Variants in CNTNAP2 observed in about 807,000 individuals in gnomAD.
CNTNAP2 encodes the protein contactin associated protein 2.
CNTNAP2 carries 98 observed loss-of-function variants against 155.2 expected under a neutral mutation model. That is an observed-to-expected ratio of 0.63 (90% CI 0.54 to 0.75). The LOEUF (loss-of-function observed/expected upper bound fraction) is 0.75. Among genes scored for constraint, CNTNAP2 ranks in the 30% least tolerant of loss-of-function variants. The probability of loss-of-function intolerance (pLI) is 0.00; values close to 1 mark genes in which losing one functional copy is unlikely to be tolerated. For synonymous variants in CNTNAP2, 651 were observed against 631.2 expected (o/e 1.03, Z -0.47); for missense variants, 1,727 against 1,688.1 (o/e 1.02, Z -0.40).
intron 15 of CNTNAP2, among the ~76,000 whole-genome samples, chr7:148,011,529 A>G (rs1802080597): frequency 6.6e-6 from 1 of 152,102 alleles, no homozygotes. Flanking sequence ...ACTTTTTCAC[A>G]GTGGCTTATT....
At chr7:147,120,636 TTTA>T (rs1467705992) in intron 5 of CNTNAP2, among the ~76,000 whole-genome samples, 1 of 151,958 alleles carries the variant, frequency 6.6e-6, no homozygotes, top group Admixed American at 6.6e-5. Flanking sequence ...TTTTTTTTCA[TTTA>T]TTATTATTAT....
intron 11 of CNTNAP2, among the ~76,000 whole-genome samples, chr7:147,498,621 GT>G (rs1484684084): frequency 6.6e-6 from 1 of 152,180 alleles, no homozygotes; most frequent in East Asian, 1.9e-4. Context: ...CAAGAAAAAT[GT>G]TTATTAATAA....
intron 8 of CNTNAP2, among the ~76,000 whole-genome samples, chr7:147,183,386 A>C (rs1802505686): frequency 6.6e-6 from 1 of 152,200 alleles, no homozygotes; most frequent in Admixed American, 6.5e-5. Context: ...AGCCTAATTA[A>C]GATTTATAAT....
chr7:147,131,086 AT>A (rs1801345298), intron 7 of CNTNAP2, among the ~76,000 whole-genome samples: 1 of 134,968 alleles, frequency 7.4e-6, no homozygotes, highest in African/African-American at 2.6e-5. Context: ...ATATGTATAT[AT>A]GTGTATATAT....
chr7:148,023,194 A>G (rs1802315877), intron 15 of CNTNAP2, among the ~76,000 whole-genome samples: 1 of 152,176 alleles, frequency 6.6e-6, no homozygotes, highest in African/African-American at 2.4e-5. Flanking sequence ...CAAAAGCAAA[A>G]AGGGGAGACA....
chr7:147,079,112 AC>A (rs1800059704), intron 4 of CNTNAP2, among the ~76,000 whole-genome samples: 1 of 152,196 alleles, frequency 6.6e-6, no homozygotes. Context: ...ATATAACATA[AC>A]TAGCATATTT....
At chr7:146,945,905 A>C (rs557029914) in intron 3 of CNTNAP2, among the ~76,000 whole-genome samples, 4 of 152,196 alleles carry the variant, frequency 2.6e-5, no homozygotes, top group Admixed American at 2.0e-4. Context: ...TCATCACAAC[A>C]CTAAAACTAC....
At chr7:146,615,930 A>T (rs998804289) in intron 1 of CNTNAP2, among the ~76,000 whole-genome samples, 7 of 152,158 alleles carry the variant, frequency 4.6e-5, no homozygotes, top group African/African-American at 1.7e-4. Context: ...ATCTCTCCCC[A>T]CATAATATTA....
In CNTNAP2 at chr7:147,624,170, G is replaced by A. The variant is rs954470365; in HGVS notation, c.1898-14936G>A. Among the ~76,000 whole-genome samples, 23 of 151,920 alleles carry A rather than the reference G, an allele frequency of 1.5e-4. 1 individual carries two copies. The highest frequency in any genetic ancestry group is 4.6e-4 in the Admixed American group (7 of 15,228). ...TGAATCTACTACAAGAAAACACTGGGGAAACTCTCCAGGACATTGGTCTGG... is the reference window on the plus strand; with the variant it reads ...TGAATCTACTACAAGAAAACACTGGAGAAACTCTCCAGGACATTGGTCTGG... On this transcript the variant is annotated intron_variant, in intron 12 of 23. Transcript: ENST00000361727.
intron 1 of CNTNAP2, among the ~76,000 whole-genome samples, chr7:146,484,079 A>AT: frequency 6.6e-6 from 1 of 152,212 alleles, no homozygotes; most frequent in Admixed American, 6.5e-5. Context: ...TTACTGTACT[A>AT]TTTTTATGTT....
At chr7:148,403,026 TAA>T (rs771767920) in intron 22 of CNTNAP2, among the ~76,000 whole-genome samples, 9 of 66,918 alleles carry the variant, frequency 1.3e-4, no homozygotes, top group African/African-American at 2.2e-4. Flanking sequence ...CTTCTGTAGT[TAA>T]AAAAAAAAAA....
chr7:146,778,663 T>C (rs1432247646), intron 2 of CNTNAP2, among the ~76,000 whole-genome samples: 1 of 152,324 alleles, frequency 6.6e-6, no homozygotes, highest in East Asian at 1.9e-4. Context: ...TCCCTTACCT[T>C]ACTTTTAATA....
At chr7:147,064,219 T>C (rs970330870) in intron 4 of CNTNAP2, among the ~76,000 whole-genome samples, 21 of 138,718 alleles carry the variant, frequency 1.5e-4, no homozygotes, top group African/African-American at 6.1e-4. Context: ...CTAGAAATAG[T>C]GTATTGAGTG....
At chr7:148,272,898 A>C (rs1461455933) in intron 21 of CNTNAP2, among the ~76,000 whole-genome samples, 1 of 152,216 alleles carries the variant, frequency 6.6e-6, no homozygotes, top group Non-Finnish European at 1.5e-5. Context: ...GTCTGATCAG[A>C]AAAAAATATG....
intron 10 of CNTNAP2, among the ~76,000 whole-genome samples, chr7:147,424,860 C>T (rs1797352975): frequency 6.6e-6 from 1 of 152,148 alleles, no homozygotes; most frequent in Non-Finnish European, 1.5e-5. Flanking sequence ...TTTCACTCTT[C>T]CTTTTGACCT....
chr7:146,772,626 G>A (rs577406345), intron 1 of CNTNAP2, among the ~76,000 whole-genome samples: 3 of 152,140 alleles, frequency 2.0e-5, no homozygotes, highest in South Asian at 4.1e-4. Flanking sequence ...CCGAGCTGGC[G>A]CCACTGCACT....
At chr7:147,335,673 T>C (rs1795652568) in intron 9 of CNTNAP2, among the ~76,000 whole-genome samples, 1 of 152,204 alleles carries the variant, frequency 6.6e-6, no homozygotes, top group Admixed American at 6.5e-5. Flanking sequence ...ATAAATTATT[T>C]ATTTAGCAGA....
intron 4 of CNTNAP2, among the ~76,000 whole-genome samples, chr7:147,089,051 G>T (rs749424935): frequency 2.5e-4 from 38 of 151,846 alleles, no homozygotes; most frequent in Admixed American, 2.3e-3. Context: ...AAGCAAGACT[G>T]CTTCTCCCAG....
At chr7:148,064,677 T>TA (rs35247645) in intron 15 of CNTNAP2, among the ~76,000 whole-genome samples, 5,432 of 126,052 alleles carry the variant, frequency 0.043, 119 homozygotes, top group Middle Eastern at 0.068. Flanking sequence ...TAATAGCTGT[T>TA]AAAAAAAAAA....
Sources: allele counts gnomAD v4.1 joint callset (sites outside exome capture counted in the v4.1 genomes callset), GRCh38; gene constraint gnomAD v4.1.1; transcripts MANE v1.5; gene names NCBI Gene and HGNC (gene_info 2026-07-23, HGNC 2026-07-21).